VGLL4: variants seen among roughly 807,000 people sequenced by gnomAD.
VGLL4 encodes the protein transcription cofactor vestigial-like protein 4.
Under a neutral mutation model 21.0 loss-of-function variants are expected in VGLL4, and 7 were observed. The ratio of observed to expected loss-of-function variants is 0.33; its 90% CI spans 0.19 to 0.63. VGLL4 has a LOEUF of 0.63. Among genes scored for constraint, VGLL4 ranks in the 20% least tolerant of loss-of-function variants. The probability of loss-of-function intolerance (pLI) is 0.78; values close to 1 mark genes in which losing one functional copy is unlikely to be tolerated. For missense variants in VGLL4, 394 were observed against 425.7 expected, an observed-to-expected ratio of 0.93 and a Z score of 0.66; for synonymous variants, 222 against 173.2, an observed-to-expected ratio of 1.28 and a Z score of -2.21.
At chr3:11,718,565 T>C (rs943406264) in intron 1 of VGLL4, among the ~76,000 whole-genome samples, 1 of 152,162 alleles carries the variant, frequency 6.6e-6, no homozygotes, top group Non-Finnish European at 1.5e-5. Flanking sequence ...TATGCTAACA[T>C]GGTATGCAAA....
intron 1 of VGLL4, among the ~76,000 whole-genome samples, chr3:11,718,397 C>A (rs1312944369): frequency 6.6e-6 from 1 of 152,048 alleles, no homozygotes; most frequent in Non-Finnish European, 1.5e-5. Flanking sequence ...AAGATCACAC[C>A]ACAGGGACAG....
intron 2 of VGLL4, among the ~76,000 whole-genome samples, chr3:11,581,427 A>AG (rs1252937234): frequency 4.6e-5 from 7 of 152,128 alleles, no homozygotes; most frequent in African/African-American, 1.4e-4. Flanking sequence ...TAAAACCCGG[A>AG]GGGTCCTCAT....
chr3:11,595,093 G>A (rs1353821486), intron 2 of VGLL4, among the ~76,000 whole-genome samples: 4 of 152,194 alleles, frequency 2.6e-5, no homozygotes, highest in East Asian at 1.9e-4. Context: ...CCCAGGAGGT[G>A]GAGGTTGTGG....
rs746512205 is a variant in VGLL4 at position 11,643,560 on chromosome 3, CAA to C, written c.-44_-43del. On this transcript the variant is annotated 5_prime_UTR_variant, in exon 1 of 5. Coordinates refer to ENST00000430365, the MANE Select transcript of VGLL4 (RefSeq NM_001128219.3). The stretch of plus-strand genomic sequence containing the variant: ...GAAAACCAGCTCTTTGCTTTTGCCC[CAA>C]AAGAGTTAAGTTTCAAAAATCAATT... The C allele has an allele frequency of 5.0e-6, 8 of 1,612,886 alleles. No homozygotes were observed. The Admixed American group carries it at 8.3e-5, about 17-fold the overall frequency.
upstream of VGLL4, among the ~76,000 whole-genome samples, chr3:11,648,853 G>C (rs2075830473): frequency 6.6e-6 from 1 of 152,128 alleles, no homozygotes; most frequent in Non-Finnish European, 1.5e-5. Context: ...TTAACAAAAA[G>C]ACTTTTTCAA....
At chr3:11,585,474 A>G (rs939321243) in intron 2 of VGLL4, among the ~76,000 whole-genome samples, 10 of 151,932 alleles carry the variant, frequency 6.6e-5, no homozygotes, top group African/African-American at 2.4e-4. Context: ...AGAGACTTCA[A>G]TGGAGCCTTG....
At position 11,559,269 on chromosome 3, in the gene VGLL4, A is replaced by T. The variant is rs2072743751; in HGVS notation, c.619+63T>A. ...GCGAGAGGTTTCAGCCAACAGCATG[A>T]CAGAGAAGGGCTCTGCTGCCACTAG... is the stretch of plus-strand genomic sequence containing the variant. On this transcript the variant is annotated intron_variant, in intron 4 of 4. Transcript: ENST00000430365. 1.0e-5 allele frequency: 15 copies of T among 1,469,482 alleles called. 1 individual carries two copies. In the South Asian group the frequency reaches 2.0e-4, roughly 19 times the overall value. 91.0% of individuals were successfully genotyped at this position (1,469,482 alleles called of 1,614,324 possible).
intron 2 of VGLL4, among the ~76,000 whole-genome samples, chr3:11,660,472 T>C (rs1546212): frequency 0.63 from 95,863 of 152,070 alleles, 30,371 homozygotes; most frequent in Non-Finnish European, 0.68. Context: ...AGCCCAGTGC[T>C]AGCTGTGCTA....
At chr3:11,661,549 C>A (rs1297626545) in intron 2 of VGLL4, among the ~76,000 whole-genome samples, 1 of 151,846 alleles carries the variant, frequency 6.6e-6, no homozygotes, top group East Asian at 1.9e-4. Context: ...TGGCTCACTG[C>A]AACCTTTGCC....
intron 2 of VGLL4, among the ~76,000 whole-genome samples, chr3:11,687,022 T>C (rs1575531146): frequency 1.3e-5 from 1 of 77,974 alleles, no homozygotes; most frequent in South Asian, 4.8e-4. Flanking sequence ...TTTGTTACTA[T>C]GGATTTGTAG....
At chr3:11,669,522 A>G (rs993477243) in intron 2 of VGLL4, among the ~76,000 whole-genome samples, 1 of 152,240 alleles carries the variant, frequency 6.6e-6, no homozygotes, top group African/African-American at 2.4e-5. Flanking sequence ...GGTGATGAAG[A>G]TGGGCAATGC....
Position 11,651,524 on chromosome 3 carries a change from GA to G in VGLL4, c.65-49503del, listed in dbSNP as rs544760144. Among the ~76,000 whole-genome samples the G allele has an allele frequency of 2.1e-4, 31 of 151,014 alleles. 1 individual carries two copies. The East Asian group carries it at 5.8e-3, about 28-fold the overall frequency. On this transcript the variant is annotated intron_variant, in intron 2 of 5. Coordinates refer to the VGLL4 transcript ENST00000273038. ...GCCCCCACCAAGAACCATTAGCTAG[GA>G]TTAATCTCTTCATCCTGCATTATTT...
Position 11,558,606 on chromosome 3 carries a change from G to A in VGLL4, c.841C>T (p.Pro281Ser), listed in dbSNP as rs749295296. ...SASRRGQPAS[P>S]SAHMVSHSHS... ...CTGTGGCTGACCATGTGGGCAGAGG[G>A]GCTGGCGGGCTGGCCCCTGCGAGAG... Residue 281 changes from proline to serine, a missense_variant, in exon 5 of 5, where the codon CCC (proline) becomes TCC (serine). By Grantham distance (74) the Pro-to-Ser change is moderately conservative. Transcript: ENST00000430365. 2 of 1,606,422 alleles carry A rather than the reference G, an allele frequency of 1.2e-6. No individual in the cohort carries two copies. The highest frequency in any genetic ancestry group is 2.2e-5 in the East Asian group (1 of 44,862).
chr3:11,571,476 G>A (rs2073774946), intron 2 of VGLL4, among the ~76,000 whole-genome samples: 1 of 152,044 alleles, frequency 6.6e-6, no homozygotes, highest in East Asian at 1.9e-4. Context: ...TTAGGCCCAG[G>A]AGTTCGAGAC....
chr3:11,599,904 AC>A lies in VGLL4; in HGVS notation c.272+1928del, dbSNP rs1392104831. Among the ~76,000 whole-genome samples, 4 of 152,218 alleles carry A rather than the reference AC, an allele frequency of 2.6e-5. No individual in the cohort carries two copies. The East Asian group carries it at 7.8e-4, about 30-fold the overall frequency. On this transcript the variant is annotated intron_variant, in intron 2 of 4. Transcript: ENST00000430365. ...GCTGAGTACTTACTATCTGCCAGGCACCATTCTTAAGTCCTTACAATAATCC... is the reference window on the plus strand; with the variant it reads ...GCTGAGTACTTACTATCTGCCAGGCACATTCTTAAGTCCTTACAATAATCC...
At chr3:11,672,023 C>A (rs1208224232) in intron 2 of VGLL4, among the ~76,000 whole-genome samples, 1 of 152,148 alleles carries the variant, frequency 6.6e-6, no homozygotes, top group Admixed American at 6.5e-5. Flanking sequence ...CTCCTTTCTC[C>A]ATTTGTTTAT....
chr3:11,669,580 T>C lies in VGLL4; in HGVS notation c.64+33391A>G, dbSNP rs969061053. Among the ~76,000 whole-genome samples, 9 of 152,212 alleles carry C rather than the reference T, an allele frequency of 5.9e-5. 1 individual carries two copies. Among genetic ancestry groups the C allele is most frequent in the Admixed American group, 2.6e-4 (4 of 15,284 alleles). On this transcript the variant is annotated intron_variant, in intron 2 of 5. Coordinates refer to the VGLL4 transcript ENST00000273038. ...TTAAATATTAATAGAACTCATTATT[T>C]TGGTACATTTTATGACTGAAGGCAA...
At chr3:11,608,076 T>C (rs147077559) in intron 1 of VGLL4, among the ~76,000 whole-genome samples, 1 of 152,328 alleles carries the variant, frequency 6.6e-6, no homozygotes, top group East Asian at 1.9e-4. Flanking sequence ...TTCCCTCTTG[T>C]TCTAACATGT....
upstream of VGLL4, chr3:11,644,064 GA>G: frequency 1.1e-6 from 1 of 915,810 alleles, no homozygotes; most frequent in African/African-American, 1.8e-5. Context: ...AGGGGAGGGG[GA>G]GAGACTCTAG....
Sources: allele counts gnomAD v4.1 joint callset (sites outside exome capture counted in the v4.1 genomes callset), GRCh38; gene constraint gnomAD v4.1.1; transcripts MANE v1.5; gene names NCBI Gene and HGNC (gene_info 2026-07-23, HGNC 2026-07-21).